The following ELFN1 variants were observed in gnomAD, a reference collection of about 807,000 sequenced individuals.
ELFN1 encodes extracellular leucine rich repeat and fibronectin type III domain containing 1.
In ELFN1, 6 loss-of-function variants were observed where a neutral mutation model predicts 7.6. That is an observed-to-expected ratio of 0.79 (90% CI 0.43 to 1.56). The LOEUF is 1.56. Among genes scored for constraint, ELFN1 ranks in the 40% most tolerant of loss-of-function variants. ELFN1 has a pLI of 0.01. For synonymous variants in ELFN1, 657 were observed against 588.1 expected, an observed-to-expected ratio of 1.12 and a Z score of -1.70; for missense variants, 1,169 against 1,232.2, an observed-to-expected ratio of 0.95 and a Z score of 0.77.
intron 2 of ELFN1, among the ~76,000 whole-genome samples, chr7:1,707,162 G>A (rs1283573499): frequency 2.0e-5 from 3 of 152,250 alleles, no homozygotes; most frequent in Admixed American, 6.5e-5. Context: ...TGCAGAGCCC[G>A]CTCCCAAGGG....
At chr7:1,734,673 G>T (rs1780398733) in intron 3 of ELFN1, among the ~76,000 whole-genome samples, 1 of 152,104 alleles carries the variant, frequency 6.6e-6, no homozygotes, top group Non-Finnish European at 1.5e-5. Flanking sequence ...ATATTCTGGG[G>T]TGAGGCAGGA....
intron 2 of ELFN1, among the ~76,000 whole-genome samples, chr7:1,703,588 A>T (rs1779471658): frequency 6.6e-6 from 1 of 152,078 alleles, no homozygotes; most frequent in Admixed American, 6.5e-5. Context: ...TGCCGCTTGC[A>T]GTTTACCAGG....
Position 1,744,508 on chromosome 7 carries a change from G to C in ELFN1, c.-89G>C. The C allele has an allele frequency of 2.3e-6, 3 of 1,325,004 alleles. No individual in the cohort carries two copies. The highest frequency in any genetic ancestry group is 3.1e-5 in the Admixed American group (1 of 32,342). 82.1% of individuals were successfully genotyped at this position (1,325,004 alleles called of 1,614,324 possible). On this transcript the variant is annotated 5_prime_UTR_variant, in exon 4 of 4. Coordinates refer to ENST00000424383, the MANE Select transcript of ELFN1 (RefSeq NM_001128636.4). ...GAGAGTGCAGGCACCTCCCCCTCCC[G>C]CCCCTCCATCCCTCTGGGGGCTGGC...
chr7:1,705,663 C>G lies in ELFN1; in HGVS notation c.-455-3428C>G, dbSNP rs1221647150. ...GCTGCTGTCCCTCTGGGCCCTTGCC[C>G]TTTCTGGCCCTGCCCTTTCTGGCTC... On this transcript the variant is annotated intron_variant, in intron 2 of 3. Coordinates refer to ENST00000424383, the MANE Select transcript of ELFN1 (RefSeq NM_001128636.4). The surrounding 1 kb of genome is among the most constrained non-coding windows in gnomAD (Gnocchi z 4.3). 2.0e-5 allele frequency among the ~76,000 whole-genome samples: 3 copies of G among 152,256 alleles called. No homozygotes were observed. Among genetic ancestry groups the G allele is most frequent in the Admixed American group, 6.5e-5 (1 of 15,290 alleles).
chr7:1,727,264 C>T (rs565731964), intron 3 of ELFN1, among the ~76,000 whole-genome samples: 1 of 152,306 alleles, frequency 6.6e-6, no homozygotes, highest in African/African-American at 2.4e-5. Flanking sequence ...CTCCACCATG[C>T]AGTCTTGCTC....
upstream of ELFN1, among the ~76,000 whole-genome samples, chr7:1,667,458 C>T (rs1350010977): frequency 2.0e-5 from 3 of 152,158 alleles, no homozygotes; most frequent in Admixed American, 6.5e-5. The surrounding 1 kb of genome is among the most constrained non-coding windows in gnomAD (Gnocchi z 8.2). Context: ...GCTCGGGCGG[C>T]GTGTGCAGGG....
At chr7:1,685,026 T>C (rs1019044071) in intron 1 of ELFN1, among the ~76,000 whole-genome samples, 4 of 152,236 alleles carry the variant, frequency 2.6e-5, no homozygotes, top group Non-Finnish European at 4.4e-5. Flanking sequence ...GTATTTCTTC[T>C]AAATAAGCTG....
intron 3 of ELFN1, among the ~76,000 whole-genome samples, chr7:1,725,356 G>A (rs941517187): frequency 2.0e-5 from 3 of 152,166 alleles, no homozygotes; most frequent in Admixed American, 6.5e-5. Context: ...GAGGAGAGGA[G>A]ACAGTGGGAC....
chr7:1,676,455 C>T (rs931131732), intron 1 of ELFN1, among the ~76,000 whole-genome samples: 4 of 152,194 alleles, frequency 2.6e-5, no homozygotes, highest in East Asian at 1.9e-4. Flanking sequence ...CCCGGAGCCT[C>T]GGCCTCTCCT....
At chr7:1,675,534 A>T (rs1778852722) in intron 1 of ELFN1, among the ~76,000 whole-genome samples, 1 of 151,738 alleles carries the variant, frequency 6.6e-6, no homozygotes, top group Non-Finnish European at 1.5e-5. Context: ...TTAGTCATTA[A>T]CTCTCTCTAG....
At chr7:1,680,947 GAC>G (rs771245209) in intron 1 of ELFN1, among the ~76,000 whole-genome samples, 6 of 152,158 alleles carry the variant, frequency 3.9e-5, no homozygotes, top group Admixed American at 3.9e-4. Context: ...TCACCATGTT[GAC>G]CAGGCTGGTC....
chr7:1,669,905 G>A (rs1487831655), upstream of ELFN1, among the ~76,000 whole-genome samples: 2 of 116,466 alleles, frequency 1.7e-5, no homozygotes, highest in African/African-American at 7.4e-5. Context: ...TTAGATGTGG[G>A]CGGGGAGGGC....
rs1420857154 is a variant in ELFN1 at position 1,735,404 on chromosome 7, G to A, written c.-293-8900G>A. The stretch of plus-strand genomic sequence containing the variant: ...AGTCCTCACACAGTGGGGACGTGGT[G>A]CAGGCAGCAGTCCCCTCCGTTCTAC... On this transcript the variant is annotated intron_variant, in intron 3 of 3. Transcript: ENST00000424383. The surrounding 1 kb of genome is among the most constrained non-coding windows in gnomAD (Gnocchi z 5.9). Among the ~76,000 whole-genome samples the A allele has an allele frequency of 6.6e-6, 1 of 152,024 alleles. No individual in the cohort carries two copies. The highest frequency in any genetic ancestry group is 1.5e-5 in the Non-Finnish European group (1 of 67,988).
chr7:1,725,975 T>G (rs1252347858), intron 3 of ELFN1, among the ~76,000 whole-genome samples: 1 of 150,840 alleles, frequency 6.6e-6, no homozygotes, highest in African/African-American at 2.5e-5. Flanking sequence ...TACACAAAAA[T>G]CACACACACA....
chr7:1,744,319 A>C lies in ELFN1; in HGVS notation c.-278A>C. 1 of 436,362 alleles carries C rather than the reference A, an allele frequency of 2.3e-6. No individual in the cohort carries two copies. The highest frequency in any genetic ancestry group is 4.0e-6 in the Non-Finnish European group (1 of 249,258). 27.0% of individuals were successfully genotyped at this position (436,362 alleles called of 1,614,324 possible). ...TGTCTTGCAGCAGGAACGTCGGAGC[A>C]GGAGGAGTCAGTGGAGCCATCAGGA... On this transcript the variant is annotated 5_prime_UTR_variant, in exon 4 of 4. Coordinates refer to ENST00000424383, the MANE Select transcript of ELFN1 (RefSeq NM_001128636.4).
intron 2 of ELFN1, among the ~76,000 whole-genome samples, chr7:1,690,488 G>A (rs1380217180): frequency 6.6e-6 from 1 of 151,542 alleles, no homozygotes; most frequent in Non-Finnish European, 1.5e-5. Flanking sequence ...GAGTGGGTGG[G>A]TAGATAAGTG....
In ELFN1 at chr7:1,735,703, G is replaced by T. The variant is rs1432639495; in HGVS notation, c.-293-8601G>T. 1.3e-5 allele frequency among the ~76,000 whole-genome samples: 2 copies of T among 152,120 alleles called. No individual in the cohort carries two copies. Among genetic ancestry groups the T allele is most frequent in the Non-Finnish European group, 2.9e-5 (2 of 68,008 alleles). ...CACCAGGTCCGGCAACTGTGCTGAA[G>T]GAAAACCCACATATGTCCAGCGTGC... On this transcript the variant is annotated intron_variant, in intron 3 of 3. Transcript: ENST00000424383. This position sits in a 1 kb window ranked among gnomAD's most constrained non-coding sequence, Gnocchi z 5.9.
At chr7:1,688,845 C>G (rs1211814867) in intron 2 of ELFN1, among the ~76,000 whole-genome samples, 1 of 152,160 alleles carries the variant, frequency 6.6e-6, no homozygotes, top group African/African-American at 2.4e-5. Flanking sequence ...ATGCCCCCTT[C>G]CCTCACCCCA....
At chr7:1,719,338 C>A (rs1479825941) in intron 3 of ELFN1, among the ~76,000 whole-genome samples, 2 of 128,672 alleles carry the variant, frequency 1.6e-5, no homozygotes, top group African/African-American at 7.9e-5. Context: ...AACAGGGCCC[C>A]GCCCACCAAC....
Sources: gnomAD v4.1 joint callset for allele counts (sites outside exome capture counted in the v4.1 genomes callset) on GRCh38, gnomAD v4.1.1 for gene constraint, Gnocchi (gnomAD v3.1) non-coding constraint, MANE v1.5 for transcripts, NCBI Gene and HGNC (gene_info 2026-07-23, HGNC 2026-07-21) for gene names.